The following SLC16A6 variants were observed in gnomAD, a reference collection of about 807,000 sequenced individuals.
SLC16A6 encodes monocarboxylate transporter 7.
Under a neutral mutation model 33.8 loss-of-function variants are expected in SLC16A6, and 15 were observed. That is an observed-to-expected ratio of 0.44 (90% CI 0.30 to 0.68). SLC16A6 has a LOEUF of 0.68. Ranked by LOEUF, SLC16A6 falls within the 30% of genes least tolerant of loss-of-function variation. SLC16A6 has a pLI of 0.10. For missense variants in SLC16A6, 451 were observed against 661.5 expected (o/e 0.68, Z 3.49); for synonymous variants, 219 against 248.4 (o/e 0.88, Z 1.11).
intron 2 of SLC16A6, among the ~76,000 whole-genome samples, chr17:68,276,744 A>G (rs2075536799): frequency 6.6e-6 from 1 of 152,050 alleles, no homozygotes; most frequent in African/African-American, 2.4e-5. Context: ...GTGAGCCACC[A>G]TGCCCAGCTT....
intron 1 of SLC16A6, among the ~76,000 whole-genome samples, chr17:68,288,828 C>T (rs2075901397): frequency 6.6e-6 from 1 of 152,170 alleles, no homozygotes; most frequent in South Asian, 2.1e-4. Flanking sequence ...GTTATGGAAA[C>T]CACAGAATCC....
intron 1 of SLC16A6, 78 bp downstream of exon 1, chr17:68,291,008 C>T (rs2075966774): frequency 6.6e-6 from 1 of 152,122 alleles, no homozygotes; most frequent in Non-Finnish European, 1.5e-5. Context: ...AAAAAAAGGC[C>T]CCAACACATA....
At chr17:68,274,156 A>G in intron 2 of SLC16A6, 86 bp from the exon 3 acceptor site, 19 of 1,389,016 alleles carry the variant, frequency 1.4e-5, no homozygotes, top group Non-Finnish European at 1.9e-5. Context: ...CGTCTTGCAC[A>G]TGGAGAGATG....
intron 2 of SLC16A6, among the ~76,000 whole-genome samples, chr17:68,275,232 T>C (rs2075475650): frequency 6.6e-6 from 1 of 152,218 alleles, no homozygotes; most frequent in African/African-American, 2.4e-5. Flanking sequence ...GGCAAATTAG[T>C]TTCCTAGTTA....
chr17:68,287,970 T>C (rs1164374996), intron 1 of SLC16A6, among the ~76,000 whole-genome samples: 3 of 147,146 alleles, frequency 2.0e-5, no homozygotes, highest in Non-Finnish European at 3.0e-5. Flanking sequence ...TCTCTCTCTC[T>C]CCCCCTCCCT....
chr17:68,269,765 C>T (rs1169885263), intron 5 of SLC16A6, among the ~76,000 whole-genome samples: 5 of 147,980 alleles, frequency 3.4e-5, no homozygotes, highest in Admixed American at 7.0e-5. Flanking sequence ...CCTCTGCCTC[C>T]CAGGTTCAAG....
At chr17:68,286,325 G>C (rs1028794724) in intron 1 of SLC16A6, among the ~76,000 whole-genome samples, 4 of 152,170 alleles carry the variant, frequency 2.6e-5, no homozygotes, top group Non-Finnish European at 5.9e-5. Context: ...ATTATTGAAT[G>C]TTAAAGCTGA....
chr17:68,280,719 T>C (rs2075667458), intron 1 of SLC16A6, among the ~76,000 whole-genome samples: 1 of 152,126 alleles, frequency 6.6e-6, no homozygotes, highest in African/African-American at 2.4e-5. Flanking sequence ...TTTAGGACAT[T>C]TGTCTGAGGA....
chr17:68,284,325 C>T (rs577031541), intron 1 of SLC16A6, among the ~76,000 whole-genome samples: 1 of 152,142 alleles, frequency 6.6e-6, no homozygotes, highest in Non-Finnish European at 1.5e-5. Flanking sequence ...ACCCGGGAGG[C>T]AGAGGTTGCA....
At chr17:68,282,851 G>T (rs576579343) in intron 1 of SLC16A6, 3 of 150,594 alleles carry the variant, frequency 2.0e-5, no homozygotes, top group African/African-American at 7.4e-5. Context: ...GGGAGGCTGA[G>T]GCAGGAGAAT....
intron 1 of SLC16A6, among the ~76,000 whole-genome samples, chr17:68,286,795 CTGA>C (rs1174172394): frequency 2.0e-4 from 31 of 152,216 alleles, no homozygotes; most frequent in African/African-American, 7.0e-4. Context: ...TGAGAAACAG[CTGA>C]TACTTTTGAA....
intron 2 of SLC16A6, 149 bp from the exon 3 acceptor site, chr17:68,274,219 A>T (rs2075437880): frequency 2.6e-6 from 2 of 757,976 alleles, no homozygotes; most frequent in Admixed American, 5.7e-5. Context: ...TAATCCCAGC[A>T]CTTTGGGAGG....
intron 1 of SLC16A6, among the ~76,000 whole-genome samples, chr17:68,283,373 T>G (rs1026791736): frequency 2.0e-5 from 3 of 151,548 alleles, no homozygotes; most frequent in African/African-American, 7.3e-5. Context: ...ACAAAAAAAT[T>G]AGCCAGGCGT....
chr17:68,271,133 C>T lies in SLC16A6; in HGVS notation c.1027G>A (p.Gly343Arg), dbSNP rs1555748429. The T allele has an allele frequency of 8.1e-6, 13 of 1,614,148 alleles. No individual in the cohort carries two copies. Among genetic ancestry groups the T allele is most frequent in the Admixed American group, 1.7e-5 (1 of 60,020 alleles). The stretch of plus-strand genomic sequence containing the variant: ...AGGACAAAACCAGCTCCGATCCTTC[C>T]GAAAACTTCTGCAATGGCCATCGTA... ...LSTMAIAEVF[G>R]RIGAGFVLNR... The change falls in exon 5 of 6, where the codon GGA (glycine) becomes AGA (arginine). Residue 343 changes from glycine to arginine, a missense_variant. Physicochemically the swap from Gly to Arg is moderately radical, Grantham distance 125. Around this residue, in one of 2 missense-constraint regions of SLC16A6, gnomAD observed 405 missense variants for 510.7 expected, o/e 0.79. Coordinates refer to ENST00000580666, the MANE Select transcript of SLC16A6 (RefSeq NM_004694.5). This position sits in a 1 kb window ranked among gnomAD's most constrained non-coding sequence, Gnocchi z 5.3.
chr17:68,289,452 G>A (rs1468106218), intron 1 of SLC16A6, among the ~76,000 whole-genome samples: 5 of 152,228 alleles, frequency 3.3e-5, no homozygotes, highest in Non-Finnish European at 5.9e-5. Context: ...GGTCAGCTAA[G>A]AGCAAGTTTC....
At chr17:68,280,356 A>C (rs563897926) in intron 1 of SLC16A6, among the ~76,000 whole-genome samples, 5 of 152,296 alleles carry the variant, frequency 3.3e-5, no homozygotes, top group African/African-American at 1.2e-4. Context: ...AAAAGAACAA[A>C]GCTGGAGGCA....
In SLC16A6 at chr17:68,267,435, A is replaced by G. The variant is rs1320716775; in HGVS notation, c.*1661T>C. On this transcript the variant is annotated 3_prime_UTR_variant, in exon 6 of 6. Transcript: ENST00000580666. ...TCCCCAAAGTTTTATAGATTGTCCTATTTCTATGGCTGATAAGATGCTCTA... is the reference window on the plus strand; with the variant it reads ...TCCCCAAAGTTTTATAGATTGTCCTGTTTCTATGGCTGATAAGATGCTCTA... 3 of 152,084 alleles carry G rather than the reference A, an allele frequency of 2.0e-5. No homozygotes were observed. Among genetic ancestry groups the G allele is most frequent in the Non-Finnish European group, 2.9e-5 (2 of 68,032 alleles). The allele number at this position is 152,084 out of a possible 1,614,324, so 9.4% of individuals were successfully genotyped here. A position where few individuals can be genotyped will look rare whatever the true frequency, so the allele number is the denominator to read the frequency against.
chr17:68,287,983 CTCCTT>C (rs1382415642), intron 1 of SLC16A6, among the ~76,000 whole-genome samples: 1 of 150,374 alleles, frequency 6.7e-6, no homozygotes, highest in Non-Finnish European at 1.5e-5. Flanking sequence ...CCCTCCCTCC[CTCCTT>C]TCTTTTTTTT....
At chr17:68,282,817 G>C (rs1555753250) in intron 1 of SLC16A6, among the ~76,000 whole-genome samples, 5 of 124,402 alleles carry the variant, frequency 4.0e-5, no homozygotes, top group African/African-American at 1.3e-4. Context: ...GTGTGCTGGT[G>C]GGTGCCTGTA....
Sources: gnomAD v4.1 joint callset for allele counts (sites outside exome capture counted in the v4.1 genomes callset) on GRCh38, gnomAD v4.1.1 for gene constraint, gnomAD v4.1.1 regional missense constraint, Gnocchi (gnomAD v3.1) non-coding constraint, MANE v1.5 for transcripts, NCBI Gene and HGNC (gene_info 2026-07-23, HGNC 2026-07-21) for gene names.